The following STAU2 variants were observed in gnomAD, a reference collection of about 807,000 sequenced individuals.
The protein encoded by STAU2 is double-stranded RNA-binding protein Staufen homolog 2.
In STAU2, 20 loss-of-function variants were observed where a neutral mutation model predicts 65.9. The observed-to-expected ratio is 0.30, with a 90% confidence interval of 0.21 to 0.44. STAU2 has a LOEUF of 0.44. Among genes scored for constraint, STAU2 ranks in the 20% least tolerant of loss-of-function variants. The probability of loss-of-function intolerance (pLI) is 1.00; values close to 1 mark genes in which losing one functional copy is unlikely to be tolerated. For synonymous variants in STAU2, 232 were observed against 233.9 expected (o/e 0.99, Z 0.07); for missense variants, 558 against 683.9 (o/e 0.82, Z 2.05).
In STAU2 at chr8:73,709,153, T is replaced by C. The variant is rs1259350354; in HGVS notation, c.-8A>G. ...CTCTTTTGGGTTTGCCATTTTATCT[T>C]GGAGAGAAGCTGTAAATAAAAAGGC... On this transcript the variant is annotated 5_prime_UTR_variant, in exon 4 of 15. Transcript: ENST00000524300. The C allele has an allele frequency of 1.2e-5, 19 of 1,520,504 alleles. No homozygotes were observed. The highest frequency in any genetic ancestry group is 1.7e-4 in the Middle Eastern group (1 of 5,954). The allele number at this position is 1,520,504 out of a possible 1,614,324, so 94.2% of individuals were successfully genotyped here.
At chr8:73,430,425 A>C (rs1817179866) in intron 13 of STAU2, among the ~76,000 whole-genome samples, 1 of 152,172 alleles carries the variant, frequency 6.6e-6, no homozygotes, top group South Asian at 2.1e-4. Context: ...CCATGAGCTC[A>C]AGGAATCAGG....
intron 3 of STAU2, chr8:73,727,779 G>C (rs143613452): frequency 6.6e-6 from 1 of 152,168 alleles, no homozygotes; most frequent in African/African-American, 2.4e-5. Flanking sequence ...GTTCCTTTGA[G>C]GAATTGTCAA....
intron 13 of STAU2, among the ~76,000 whole-genome samples, chr8:73,502,672 C>T (rs1023326858): frequency 6.6e-6 from 1 of 152,014 alleles, no homozygotes; most frequent in Non-Finnish European, 1.5e-5. Flanking sequence ...ATAAAATTCT[C>T]TTTGTGGAAA....
At chr8:73,665,814 T>C (rs938411641) in intron 6 of STAU2, among the ~76,000 whole-genome samples, 2 of 152,140 alleles carry the variant, frequency 1.3e-5, no homozygotes, top group Non-Finnish European at 2.9e-5. Context: ...GCCCCTGATA[T>C]AAAATGCTCA....
chr8:73,562,119 T>C (rs1045827345), intron 12 of STAU2, among the ~76,000 whole-genome samples: 1 of 152,244 alleles, frequency 6.6e-6, no homozygotes, highest in Non-Finnish European at 1.5e-5. Context: ...ACTGTCAAGA[T>C]ATTGAACTTC....
intron 11 of STAU2, among the ~76,000 whole-genome samples, chr8:73,583,257 T>C (rs1366889786): frequency 6.6e-6 from 1 of 151,888 alleles, no homozygotes; most frequent in African/African-American, 2.4e-5. Flanking sequence ...AGGATTCTCC[T>C]GCCTCAGCCT....
At chr8:73,529,494 C>G (rs537255095) in intron 13 of STAU2, among the ~76,000 whole-genome samples, 4 of 152,226 alleles carry the variant, frequency 2.6e-5, no homozygotes, top group Admixed American at 6.6e-5. Context: ...TGACAGTAAA[C>G]ACACTTCTAT....
rs78562157 is a variant in STAU2 at position 73,691,799 on chromosome 8, T to C, written c.115-2986A>G. Among the ~76,000 whole-genome samples, 161 of 152,216 alleles carry C rather than the reference T, an allele frequency of 1.1e-3. 1 individual carries two copies. The East Asian group carries it at 0.026, about 25-fold the overall frequency. ...GACAGGAGAACTAGGAGCATTTTTGTTCTAATATTTGGTCTTTGATCCCAA... is the reference window on the plus strand; with the variant it reads ...GACAGGAGAACTAGGAGCATTTTTGCTCTAATATTTGGTCTTTGATCCCAA... On this transcript the variant is annotated intron_variant, in intron 4 of 14. Coordinates refer to ENST00000524300, the MANE Select transcript of STAU2 (RefSeq NM_001164380.2).
At chr8:73,700,811 C>A (rs1276863757) in intron 4 of STAU2, among the ~76,000 whole-genome samples, 1 of 152,060 alleles carries the variant, frequency 6.6e-6, no homozygotes, top group Non-Finnish European at 1.5e-5. Flanking sequence ...ACCAGAATAG[C>A]CAAAGCTATC....
intron 3 of STAU2, among the ~76,000 whole-genome samples, chr8:73,714,457 C>G (rs1458930601): frequency 6.6e-6 from 1 of 152,188 alleles, no homozygotes; most frequent in Non-Finnish European, 1.5e-5. Context: ...ACTACCCAGG[C>G]ATCAAACTGC....
Position 73,595,188 on chromosome 8 carries a change from T to C in STAU2, c.1139A>G (p.Asn380Ser), listed in dbSNP as rs918144710. 3 of 1,606,478 alleles carry C rather than the reference T, an allele frequency of 1.9e-6. No individual in the cohort carries two copies. The African/African-American group carries it at 4.0e-5, about 22-fold the overall frequency. ...LLQLGYKASTNLQDQLEKTGE... is the reference protein window; with the variant it reads ...LLQLGYKASTSLQDQLEKTGE... ...TACCTTCTCAAGTTGATCCTGAAGATTAGTGGATGCTTTATAACCAAGTTG... is the reference window on the plus strand; with the variant it reads ...TACCTTCTCAAGTTGATCCTGAAGACTAGTGGATGCTTTATAACCAAGTTG... Residue 380 changes from asparagine (N) to serine (S), a missense_variant, in exon 11 of 15, where the codon AAT (asparagine) becomes AGT (serine). Transcript: ENST00000524300.
intron 13 of STAU2, among the ~76,000 whole-genome samples, chr8:73,543,536 A>T (rs141090516): frequency 6.6e-6 from 1 of 152,290 alleles, no homozygotes; most frequent in East Asian, 1.9e-4. Flanking sequence ...ATTTCCAAGC[A>T]ACTGTTACAT....
intron 4 of STAU2, among the ~76,000 whole-genome samples, chr8:73,700,795 A>G (rs1207763999): frequency 6.6e-6 from 1 of 152,190 alleles, no homozygotes; most frequent in East Asian, 1.9e-4. Context: ...ATGGAATCAC[A>G]AAAGAACCAG....
intron 3 of STAU2, among the ~76,000 whole-genome samples, chr8:73,718,870 G>A (rs564914027): frequency 1.3e-5 from 2 of 152,158 alleles, no homozygotes; most frequent in South Asian, 4.1e-4. Flanking sequence ...ATTGGTTTTT[G>A]CATACTGCTC....
At chr8:73,595,459 T>C (rs1218063734) in intron 10 of STAU2, among the ~76,000 whole-genome samples, 162 bp from the exon 11 acceptor site, 2 of 152,200 alleles carry the variant, frequency 1.3e-5, no homozygotes, top group Non-Finnish European at 2.9e-5. Context: ...ATGTTGTATA[T>C]GTACATGAAA....
chr8:73,647,242 GAAAT>G (rs1815461315), intron 6 of STAU2, among the ~76,000 whole-genome samples: 1 of 151,846 alleles, frequency 6.6e-6, no homozygotes, highest in South Asian at 2.1e-4. Context: ...TTATCCCAAA[GAAAT>G]AAACATTTAT....
At chr8:73,727,332 A>AT (rs1563532772) in intron 3 of STAU2, among the ~76,000 whole-genome samples, 1 of 152,226 alleles carries the variant, frequency 6.6e-6, no homozygotes, top group Non-Finnish European at 1.5e-5. Context: ...AAACACTGTT[A>AT]TGACCCCAAA....
At chr8:73,664,627 T>C (rs1817096210) in intron 6 of STAU2, among the ~76,000 whole-genome samples, 1 of 152,242 alleles carries the variant, frequency 6.6e-6, no homozygotes, top group African/African-American at 2.4e-5. Context: ...CTTGCTTTCC[T>C]AGAATAAACT....
chr8:73,442,317 G>A (rs1818212606), intron 13 of STAU2, among the ~76,000 whole-genome samples: 1 of 143,634 alleles, frequency 7.0e-6, no homozygotes, highest in African/African-American at 2.6e-5. Context: ...TTGCACCACT[G>A]CGCTCCAGCC....
Sources: allele counts gnomAD v4.1 joint callset (sites outside exome capture counted in the v4.1 genomes callset), GRCh38; gene constraint gnomAD v4.1.1; transcripts MANE v1.5; gene names NCBI Gene and HGNC (gene_info 2026-07-23, HGNC 2026-07-21).